RPS6KC1: variants seen among roughly 807,000 people sequenced by gnomAD.
RPS6KC1 encodes the protein ribosomal protein S6 kinase C1, also known as inactive ribosomal protein S6 kinase delta-1.
Under a neutral mutation model 103.8 loss-of-function variants are expected in RPS6KC1, and 54 were observed. The ratio of observed to expected loss-of-function variants is 0.52; its 90% confidence interval spans 0.42 to 0.65. RPS6KC1 has a LOEUF of 0.65. RPS6KC1 is among the 30% of genes least tolerant of loss of function. RPS6KC1 has a pLI of 0.00. For missense variants in RPS6KC1, 1,151 were observed against 1,253.8 expected, an observed-to-expected ratio of 0.92 and a Z score of 1.24; for synonymous variants, 439 against 438.7, an observed-to-expected ratio of 1.00 and a Z score of -0.01.
chr1:213,798,055 C>A, the RPS6KC1 span, among the ~76,000 whole-genome samples: 3 of 152,172 alleles, frequency 2.0e-5, no homozygotes, highest in Admixed American at 1.3e-4. Flanking sequence ...TCTTGGAATT[C>A]AGTAATCAAG....
chr1:213,694,005 T>C, the RPS6KC1 span, among the ~76,000 whole-genome samples: 1 of 152,168 alleles, frequency 6.6e-6, no homozygotes, highest in East Asian at 1.9e-4. Flanking sequence ...TTTGAAACAA[T>C]AGCTCAGTGG....
the RPS6KC1 span, among the ~76,000 whole-genome samples, chr1:213,710,036 T>C: frequency 2.0e-5 from 3 of 152,196 alleles, no homozygotes; most frequent in Non-Finnish European, 4.4e-5. Flanking sequence ...CTATTAGGTG[T>C]GCTTGGTCCA....
chr1:213,670,152 C>T, the RPS6KC1 span, among the ~76,000 whole-genome samples: 1 of 152,198 alleles, frequency 6.6e-6, no homozygotes, highest in Non-Finnish European at 1.5e-5. Flanking sequence ...GTGTGCAAAT[C>T]CTTCGAGGAG....
chr1:213,619,782 A>G, the RPS6KC1 span, among the ~76,000 whole-genome samples: 2 of 152,228 alleles, frequency 1.3e-5, no homozygotes, highest in Non-Finnish European at 2.9e-5. Context: ...GGTGAACCAT[A>G]TATGCAATTG....
At chr1:213,440,011 A>G in the RPS6KC1 span, among the ~76,000 whole-genome samples, 5 of 152,370 alleles carry the variant, frequency 3.3e-5, no homozygotes, top group South Asian at 2.1e-4. Context: ...CCAATGGTAC[A>G]TAGCTACGGT....
chr1:213,523,131 T>C, the RPS6KC1 span, among the ~76,000 whole-genome samples: 3 of 152,194 alleles, frequency 2.0e-5, no homozygotes, highest in Non-Finnish European at 4.4e-5. Context: ...AATTTCAATA[T>C]TGTTGTGTTT....
the RPS6KC1 span, among the ~76,000 whole-genome samples, chr1:213,467,674 C>T: frequency 5.3e-5 from 8 of 152,052 alleles, no homozygotes; most frequent in African/African-American, 1.9e-4. Flanking sequence ...GGATCTGCTC[C>T]CTTCAGTGGT....
At chr1:213,384,986 G>A in the RPS6KC1 span, among the ~76,000 whole-genome samples, 1 of 152,160 alleles carries the variant, frequency 6.6e-6, no homozygotes, top group South Asian at 2.1e-4. Flanking sequence ...CTGGGGGGCT[G>A]AATAATGGGT....
the RPS6KC1 span, among the ~76,000 whole-genome samples, chr1:213,802,783 G>A: frequency 6.6e-6 from 1 of 152,148 alleles, no homozygotes; most frequent in Non-Finnish European, 1.5e-5. Flanking sequence ...TTTGGCCTGT[G>A]TCTCCTGGGA....
At chr1:213,216,963 T>C (rs1396926858) in intron 8 of RPS6KC1, among the ~76,000 whole-genome samples, 1 of 151,690 alleles carries the variant, frequency 6.6e-6, no homozygotes, top group African/African-American at 2.4e-5. Context: ...TTAAAAGAAC[T>C]AGAGAAGCAA....
chr1:213,271,537 G>A (rs1305456757), intron 14 of RPS6KC1, among the ~76,000 whole-genome samples: 3 of 152,032 alleles, frequency 2.0e-5, no homozygotes, highest in African/African-American at 7.2e-5. Flanking sequence ...AGGCCGAGAC[G>A]GGCGGATCAC....
the RPS6KC1 span, among the ~76,000 whole-genome samples, chr1:213,343,260 G>A: frequency 6.6e-6 from 1 of 150,754 alleles, no homozygotes; most frequent in Admixed American, 6.6e-5. Flanking sequence ...AAGTTAAGAG[G>A]TAGGGATGAG....
At chr1:213,648,996 C>T in the RPS6KC1 span, among the ~76,000 whole-genome samples, 1 of 152,264 alleles carries the variant, frequency 6.6e-6, no homozygotes, top group South Asian at 2.1e-4. Context: ...AGCACTAGGA[C>T]ACGGTCTCCA....
chr1:213,775,329 A>G, the RPS6KC1 span, among the ~76,000 whole-genome samples: 2 of 152,152 alleles, frequency 1.3e-5, no homozygotes, highest in Non-Finnish European at 2.9e-5. Context: ...GGGCAGGGAG[A>G]TCACAAGTGA....
chr1:213,099,364 A>AT (rs1253808371), intron 3 of RPS6KC1, among the ~76,000 whole-genome samples: 1 of 152,090 alleles, frequency 6.6e-6, no homozygotes, highest in Non-Finnish European at 1.5e-5. Context: ...GGACAGTGAC[A>AT]TTTTGCTATA....
At chr1:213,289,366 AT>A in the RPS6KC1 span, among the ~76,000 whole-genome samples, 5 of 151,768 alleles carry the variant, frequency 3.3e-5, no homozygotes, top group African/African-American at 7.3e-5. Flanking sequence ...TTGTAAAGAA[AT>A]TTTTTTTCCA....
At chr1:213,501,920 G>A in the RPS6KC1 span, among the ~76,000 whole-genome samples, 1 of 152,128 alleles carries the variant, frequency 6.6e-6, no homozygotes, top group Non-Finnish European at 1.5e-5. Flanking sequence ...AGTCAAGCTT[G>A]TAGTGTGTCT....
intron 2 of RPS6KC1, among the ~76,000 whole-genome samples, chr1:213,074,998 CCCACCA>C (rs769775437): frequency 1.9e-4 from 29 of 151,500 alleles, no homozygotes; most frequent in Non-Finnish European, 4.3e-4. Flanking sequence ...ACTTCAGGCA[CCCACCA>C]CCACGTCCAG....
At chr1:213,311,459 G>T in the RPS6KC1 span, among the ~76,000 whole-genome samples, 2 of 152,058 alleles carry the variant, frequency 1.3e-5, no homozygotes, top group African/African-American at 4.8e-5. Context: ...TTTTATCAGG[G>T]TTTACATATA....
Sources: allele counts gnomAD v4.1 joint callset (sites outside exome capture counted in the v4.1 genomes callset), GRCh38; gene constraint gnomAD v4.1.1; transcripts MANE v1.5; gene names NCBI Gene and HGNC (gene_info 2026-07-23, HGNC 2026-07-21).